The following SDK1 variants were observed in gnomAD, a reference collection of about 807,000 sequenced individuals.
SDK1 encodes the protein protein sidekick-1.
Under a neutral mutation model 245.5 loss-of-function variants are expected in SDK1, and 157 were observed. That is an observed-to-expected ratio of 0.64 (90% CI 0.56 to 0.73). SDK1 has a LOEUF of 0.73. Ranked by LOEUF, SDK1 falls within the 30% of genes least tolerant of loss-of-function variation. The probability of loss-of-function intolerance (pLI) is 0.00; values close to 1 mark genes in which losing one functional copy is unlikely to be tolerated. For synonymous variants in SDK1, 1,647 were observed against 1,278.5 expected, an observed-to-expected ratio of 1.29 and a Z score of -6.15; for missense variants, 3,583 against 3,002.3, an observed-to-expected ratio of 1.19 and a Z score of -4.52.
At chr7:3,748,923 T>C (rs1021836624) in intron 4 of SDK1, among the ~76,000 whole-genome samples, 2 of 152,168 alleles carry the variant, frequency 1.3e-5, no homozygotes, top group South Asian at 2.1e-4. Context: ...TCTACAGGAA[T>C]TCATTGACAA....
intron 2 of SDK1, 92 bp downstream of exon 2, chr7:3,619,331 T>C: frequency 9.3e-7 from 1 of 1,072,338 alleles, no homozygotes; most frequent in Admixed American, 2.2e-5. Context: ...TGAGTGAAAA[T>C]ATTGGATTGA....
Position 3,652,596 on chromosome 7 carries a change from G to A in SDK1, c.713+10491G>A, listed in dbSNP as rs12539468. Among the ~76,000 whole-genome samples, 1,202 of 152,290 alleles carry A rather than the reference G, an allele frequency of 7.9e-3. 18 individuals are homozygous for A. Among genetic ancestry groups the A allele is most frequent in the Admixed American group, 0.045 (684 of 15,294 alleles). ...GGATGAGTTTAGAAGTTTAGAGTGA[G>A]GGCTGGTGTGAGAAGAGAGAGTATT... On this transcript the variant is annotated intron_variant, in intron 4 of 44. Transcript: ENST00000404826.
rs1029731514 is a variant in SDK1, at chr7:3,774,010, C to T, written c.714-47440C>T. Among the ~76,000 whole-genome samples, 17 of 151,976 alleles carry T rather than the reference C, an allele frequency of 1.1e-4. No homozygotes were observed. The South Asian group carries it at 1.3e-3, about 11-fold the overall frequency. On this transcript the variant is annotated intron_variant, in intron 4 of 44. Coordinates refer to ENST00000404826, the MANE Select transcript of SDK1 (RefSeq NM_152744.4). The stretch of plus-strand genomic sequence containing the variant: ...TGGGTGGATCACGAGGTCAGGAGAT[C>T]GAGATCATCCTGGCTAACATGGTGA...
At chr7:3,336,327 G>A (rs955395703) in intron 1 of SDK1, among the ~76,000 whole-genome samples, 5 of 152,158 alleles carry the variant, frequency 3.3e-5, no homozygotes, top group African/African-American at 1.2e-4. Context: ...CCTGTCAGGT[G>A]GTGCTGACAG....
At chr7:3,455,206 G>A (rs1349814697) in intron 1 of SDK1, among the ~76,000 whole-genome samples, 2 of 151,644 alleles carry the variant, frequency 1.3e-5, no homozygotes, top group East Asian at 3.9e-4. Flanking sequence ...TGGATATGTG[G>A]GTTGCAGATA....
intron 20 of SDK1, among the ~76,000 whole-genome samples, chr7:4,074,916 A>ATATATATATTT (rs1434239449): frequency 1.5e-5 from 1 of 64,602 alleles, no homozygotes; most frequent in Admixed American, 1.7e-4. Flanking sequence ...ATATATATAT[A>ATATATATATTT]TTTTTTTTTT....
At chr7:3,989,007 GGCCTC>G (rs1784084628) in intron 14 of SDK1, among the ~76,000 whole-genome samples, 2 of 152,122 alleles carry the variant, frequency 1.3e-5, no homozygotes. Flanking sequence ...TGCCCACCTT[GGCCTC>G]CCAAAGTGCT....
chr7:3,423,945 T>TCAGG (rs1779602864), intron 1 of SDK1, among the ~76,000 whole-genome samples: 1 of 151,334 alleles, frequency 6.6e-6, no homozygotes. Flanking sequence ...GAGATGAGTC[T>TCAGG]CTATTGCCCA....
At chr7:3,565,079 A>G (rs536564638) in intron 1 of SDK1, among the ~76,000 whole-genome samples, 1 of 151,928 alleles carries the variant, frequency 6.6e-6, no homozygotes, top group South Asian at 2.1e-4. Flanking sequence ...AGGAGACAGG[A>G]AGTTGCTACT....
At chr7:3,869,579 G>A (rs780849494) in intron 5 of SDK1, among the ~76,000 whole-genome samples, 8 of 152,116 alleles carry the variant, frequency 5.3e-5, no homozygotes, top group East Asian at 1.9e-4. Flanking sequence ...AGCCCGCTGC[G>A]TCCTCTTCCC....
At chr7:3,725,812 T>A (rs1778990998) in intron 4 of SDK1, among the ~76,000 whole-genome samples, 1 of 152,220 alleles carries the variant, frequency 6.6e-6, no homozygotes. Flanking sequence ...ACGAATGACA[T>A]GTGATTTGAA....
chr7:3,450,523 C>T (rs374734663), intron 1 of SDK1, among the ~76,000 whole-genome samples: 9 of 152,174 alleles, frequency 5.9e-5, no homozygotes, highest in East Asian at 3.9e-4. Context: ...TAGGATGATA[C>T]GTAGATTTCT....
chr7:3,925,953 G>A (rs140321893), intron 5 of SDK1, among the ~76,000 whole-genome samples: 50 of 152,298 alleles, frequency 3.3e-4, no homozygotes, highest in African/African-American at 1.2e-3. Context: ...TTGAACAAAC[G>A]TGTTATCCCT....
rs869083123 is a variant in SDK1, at chr7:3,474,091, GTTTTTTTTTTTT to G, written c.299-144969_299-144958del. 1.3e-3 allele frequency among the ~76,000 whole-genome samples: 57 copies of G among 43,224 alleles called. 1 individual carries two copies. Among genetic ancestry groups the G allele is most frequent in the Admixed American group, 8.8e-3 (23 of 2,610 alleles). The allele number at this position is 43,224 out of a possible 152,430, so 28.4% of individuals were successfully genotyped here. On this transcript the variant is annotated intron_variant, in intron 1 of 44. Transcript: ENST00000404826. ...CAACTTGACATCTCTACCAGATGGT[GTTTTTTTTTTTT>G]TTTTTTTTTTTTTTTTTTTGAGACC... is the stretch of plus-strand genomic sequence containing the variant.
At chr7:4,007,698 G>A (rs73040457) in intron 14 of SDK1, among the ~76,000 whole-genome samples, 20,054 of 151,988 alleles carry the variant, frequency 0.13, 1,619 homozygotes, top group Non-Finnish European at 0.19. Context: ...TCCGCCTCCC[G>A]GGTTTCAGCA....
intron 17 of SDK1, among the ~76,000 whole-genome samples, chr7:4,045,233 C>T (rs1384377609): frequency 1.3e-5 from 2 of 152,068 alleles, no homozygotes; most frequent in African/African-American, 4.8e-5. Context: ...ATGAATATCA[C>T]ATATAGATTT....
rs144369014 is a variant in SDK1, at chr7:3,385,461, A to G, written c.298+83577A>G. ...TATATTTTTTTACTGTTAGCAGACA[A>G]TAATTTTTTTTCTACTGTTTAAAAA... On this transcript the variant is annotated intron_variant, in intron 1 of 44. Transcript: ENST00000404826. Among the ~76,000 whole-genome samples the G allele has an allele frequency of 2.7e-3, 404 of 152,250 alleles. 4 individuals carry two copies. Among genetic ancestry groups the G allele is most frequent in the East Asian group, 0.026 (136 of 5,180 alleles).
chr7:3,504,900 C>T (rs140333671), intron 1 of SDK1, among the ~76,000 whole-genome samples: 1 of 152,192 alleles, frequency 6.6e-6, no homozygotes, highest in East Asian at 1.9e-4. Context: ...AGCAATTCTA[C>T]TCCTAGTTAT....
chr7:3,977,672 T>G (rs900978764), intron 13 of SDK1, among the ~76,000 whole-genome samples: 4 of 152,238 alleles, frequency 2.6e-5, no homozygotes, highest in African/African-American at 4.8e-5. Context: ...CCTGCAGTTC[T>G]TCCCTGCGCG....
Sources: gnomAD v4.1 joint callset for allele counts (sites outside exome capture counted in the v4.1 genomes callset) on GRCh38, gnomAD v4.1.1 for gene constraint, MANE v1.5 for transcripts, NCBI Gene and HGNC (gene_info 2026-07-23, HGNC 2026-07-21) for gene names.